The following TAB2 variants were observed in gnomAD, a reference collection of about 807,000 sequenced individuals.
The protein encoded by TAB2 is TGF-beta activated kinase 1 (MAP3K7) binding protein 2, also known as TGF-beta-activated kinase 1 and MAP3K7-binding protein 2.
In TAB2, 3 loss-of-function variants were observed where a neutral mutation model predicts 65.0. That is an observed-to-expected ratio of 0.05 (90% confidence interval 0.02 to 0.12). The LOEUF is 0.12. Ranked by LOEUF, TAB2 falls within the 10% of genes least tolerant of loss-of-function variation. The pLI is 1.00. For missense variants in TAB2, 623 were observed against 840.3 expected (o/e 0.74, Z 3.20); for synonymous variants, 298 against 285.1 (o/e 1.05, Z -0.46).
intron 1 of TAB2, among the ~76,000 whole-genome samples, chr6:149,305,018 G>A (rs368370416): frequency 2.6e-5 from 4 of 151,910 alleles, no homozygotes; most frequent in African/African-American, 9.7e-5. Context: ...GCTACCTACT[G>A]TATTTTTACT....
chr6:149,331,506 C>T (rs1186055845), intron 1 of TAB2, among the ~76,000 whole-genome samples: 1 of 152,084 alleles, frequency 6.6e-6, no homozygotes, highest in African/African-American at 2.4e-5. Context: ...CAGTTATTTA[C>T]ATTTTTTTCT....
chr6:149,350,284 T>C (rs907205863), intron 1 of TAB2, among the ~76,000 whole-genome samples: 6 of 152,114 alleles, frequency 3.9e-5, no homozygotes, highest in Non-Finnish European at 2.9e-5. Flanking sequence ...GGCTTGTTTT[T>C]AAGAGGTAAA....
chr6:149,296,200 A>C (rs561829), intron 1 of TAB2, among the ~76,000 whole-genome samples: 50,020 of 152,084 alleles, frequency 0.33, 8,299 homozygotes, highest in East Asian at 0.41. Flanking sequence ...GGTCAGAGGC[A>C]GTTCAAACTG....
intron 1 of TAB2, among the ~76,000 whole-genome samples, chr6:149,294,770 G>A (rs1232824983): frequency 1.3e-5 from 2 of 152,166 alleles, no homozygotes; most frequent in African/African-American, 2.4e-5. Flanking sequence ...AACTGGAAAG[G>A]CACAGTAGAC....
At chr6:149,367,023 A>C (rs2114848938) in intron 1 of TAB2, among the ~76,000 whole-genome samples, 1 of 152,218 alleles carries the variant, frequency 6.6e-6, no homozygotes, top group African/African-American at 2.4e-5. Context: ...AACTATAAAG[A>C]AACCTTATAA....
intron 1 of TAB2, among the ~76,000 whole-genome samples, chr6:149,224,222 T>G (rs2114624586): frequency 6.6e-6 from 1 of 152,316 alleles, no homozygotes; most frequent in South Asian, 2.1e-4. Context: ...AATGTAATCA[T>G]GTATTCCTGG....
chr6:149,343,526 A>G (rs1243693039), intron 1 of TAB2, among the ~76,000 whole-genome samples: 2 of 152,152 alleles, frequency 1.3e-5, no homozygotes, highest in African/African-American at 4.8e-5. Flanking sequence ...TAGACATATT[A>G]TTTCTGGATA....
intron 1 of TAB2, among the ~76,000 whole-genome samples, chr6:149,345,187 A>G (rs1780253683): frequency 6.6e-6 from 1 of 152,174 alleles, no homozygotes; most frequent in Non-Finnish European, 1.5e-5. Context: ...TAGGTAAAAA[A>G]AAAAGTCACC....
chr6:149,253,339 G>A (rs1777898368), intron 1 of TAB2, among the ~76,000 whole-genome samples: 1 of 152,082 alleles, frequency 6.6e-6, no homozygotes, highest in South Asian at 2.1e-4. Context: ...ATGTAGTTTT[G>A]GCCAGGCGCT....
intron 1 of TAB2, among the ~76,000 whole-genome samples, chr6:149,306,326 G>C (rs779298553): frequency 6.6e-6 from 1 of 152,048 alleles, no homozygotes; most frequent in Non-Finnish European, 1.5e-5. Flanking sequence ...TGATCACAAG[G>C]TCAGGAGATC....
At chr6:149,302,518 G>T (rs1304263284) in intron 1 of TAB2, among the ~76,000 whole-genome samples, 1 of 152,156 alleles carries the variant, frequency 6.6e-6, no homozygotes, top group South Asian at 2.1e-4. Flanking sequence ...CCGAAAATCT[G>T]TCTCTGCATT....
At chr6:149,257,975 C>T (rs1778074713) in intron 1 of TAB2, among the ~76,000 whole-genome samples, 1 of 152,104 alleles carries the variant, frequency 6.6e-6, no homozygotes, top group Non-Finnish European at 1.5e-5. Context: ...AAGCTTTTGC[C>T]CACATGAGAG....
intron 6 of TAB2, among the ~76,000 whole-genome samples, chr6:149,403,291 CACACATAT>C (rs1198608604): frequency 2.5e-4 from 21 of 83,566 alleles, no homozygotes; most frequent in African/African-American, 1.1e-3. Context: ...TATACACACA[CACACATAT>C]ATATATATAT....
At chr6:149,252,219 C>T (rs1231356715) in intron 1 of TAB2, among the ~76,000 whole-genome samples, 1 of 151,842 alleles carries the variant, frequency 6.6e-6, no homozygotes, top group Non-Finnish European at 1.5e-5. Context: ...CCAGCCTGAC[C>T]AACATGGAGA....
intron 6 of TAB2, among the ~76,000 whole-genome samples, chr6:149,406,438 A>G (rs926057415): frequency 5.3e-5 from 8 of 152,188 alleles, no homozygotes; most frequent in Admixed American, 5.2e-4. Flanking sequence ...AAATTAGGAC[A>G]TTTTATGAAT....
At chr6:149,296,691 G>A (rs527551633) in intron 1 of TAB2, among the ~76,000 whole-genome samples, 1 of 152,266 alleles carries the variant, frequency 6.6e-6, no homozygotes, top group Non-Finnish European at 1.5e-5. Flanking sequence ...AATATGTATT[G>A]AGAATATTGT....
rs753582412 is a variant in TAB2 at position 149,378,479 on chromosome 6, T to C, written c.564T>C (p.Gly188=). 6.2e-7 allele frequency: 1 copy of C among 1,614,166 alleles called. No individual in the cohort carries two copies. The highest frequency in any genetic ancestry group is 1.3e-5 in the African/African-American group (1 of 75,032). ...CTTTAGCCCCAAATATCCAGACTGGTCGTAATACTCCTACATCTTTGCACA... is the reference window on the plus strand; with the variant it reads ...CTTTAGCCCCAAATATCCAGACTGGCCGTAATACTCCTACATCTTTGCACA... ...MVTLAPNIQT[G]RNTPTSLHIH... The change falls in exon 3 of 7, where the codon GGT becomes GGC. Residue 188 remains glycine, a synonymous_variant. Transcript: ENST00000637181.
chr6:149,322,815 A>G (rs1326108052), intron 1 of TAB2, among the ~76,000 whole-genome samples: 1 of 152,180 alleles, frequency 6.6e-6, no homozygotes, highest in Non-Finnish European at 1.5e-5. Context: ...GCTTTTTGTC[A>G]TCATTTTGCT....
At chr6:149,239,320 C>A (rs560820499) in intron 1 of TAB2, among the ~76,000 whole-genome samples, 1 of 152,208 alleles carries the variant, frequency 6.6e-6, no homozygotes, top group Non-Finnish European at 1.5e-5. Context: ...CCAGAGCTTA[C>A]TGAGATTATG....
Sources: gnomAD v4.1 joint callset for allele counts (sites outside exome capture counted in the v4.1 genomes callset) on GRCh38, gnomAD v4.1.1 for gene constraint, MANE v1.5 for transcripts, NCBI Gene and HGNC (gene_info 2026-07-23, HGNC 2026-07-21) for gene names.